The following SPIDR variants were observed in gnomAD, a reference collection of about 807,000 sequenced individuals.
The protein encoded by SPIDR is DNA repair-scaffolding protein.
A neutral mutation model predicts 104.6 loss-of-function variants in SPIDR; 93 were observed. That is an observed-to-expected ratio of 0.89 (90% confidence interval 0.75 to 1.06). SPIDR has a LOEUF of 1.06. Ranked by LOEUF, SPIDR falls within the 50% of genes least tolerant of loss-of-function variation. SPIDR has a pLI of 0.00. For synonymous variants in SPIDR, 431 were observed against 416.9 expected (o/e 1.03, Z -0.41); for missense variants, 1,154 against 1,111.2 (o/e 1.04, Z -0.55).
At chr8:47,276,727 G>T (rs2036506692) in intron 1 of SPIDR, 1 of 152,210 alleles carries the variant, frequency 6.6e-6, no homozygotes, top group South Asian at 2.1e-4. Context: ...CAAGGTGAGG[G>T]AGAGATTTTT....
intron 7 of SPIDR, among the ~76,000 whole-genome samples, chr8:47,423,863 T>C (rs1554682840): frequency 6.6e-6 from 1 of 152,218 alleles, no homozygotes; most frequent in Non-Finnish European, 1.5e-5. Flanking sequence ...TCACGAATCA[T>C]TGTATTTTTC....
intron 5 of SPIDR, among the ~76,000 whole-genome samples, chr8:47,303,158 C>T (rs998309717): frequency 5.3e-5 from 8 of 152,206 alleles, no homozygotes; most frequent in Non-Finnish European, 7.3e-5. Context: ...CTGCCCCTCC[C>T]GCAGCCTGGC....
chr8:47,411,787 G>C (rs1392503586), intron 7 of SPIDR, among the ~76,000 whole-genome samples: 1 of 152,092 alleles, frequency 6.6e-6, no homozygotes, highest in Admixed American at 6.6e-5. Context: ...TATGGTTTTA[G>C]GTCTAACATT....
intron 14 of SPIDR, among the ~76,000 whole-genome samples, chr8:47,704,916 C>T (rs967201379): frequency 6.6e-6 from 1 of 152,208 alleles, no homozygotes; most frequent in Non-Finnish European, 1.5e-5. Flanking sequence ...TCACGCTCCT[C>T]TGCCTACCTT....
chr8:47,478,874 G>A (rs929043949), intron 8 of SPIDR, among the ~76,000 whole-genome samples: 3 of 152,160 alleles, frequency 2.0e-5, no homozygotes, highest in Non-Finnish European at 4.4e-5. Context: ...AGATAACTTT[G>A]ATTTCTGAGG....
chr8:47,270,706 T>A (rs2035128635), intron 1 of SPIDR, among the ~76,000 whole-genome samples: 1 of 152,212 alleles, frequency 6.6e-6, no homozygotes, highest in Admixed American at 6.5e-5. Context: ...CATTTACAGC[T>A]ACAGATTTCT....
chr8:47,532,413 A>G (rs1235650834), intron 8 of SPIDR, among the ~76,000 whole-genome samples: 4 of 152,208 alleles, frequency 2.6e-5, no homozygotes, highest in East Asian at 3.9e-4. Flanking sequence ...CAAGTTGCCT[A>G]TAAGAACCTC....
chr8:47,691,001 T>C, intron 11 of SPIDR, among the ~76,000 whole-genome samples: 1 of 151,602 alleles, frequency 6.6e-6, no homozygotes, highest in East Asian at 2.0e-4. Context: ...ATCTGAAAAA[T>C]ATCTTGCTGG....
At chr8:47,521,545 TCC>T (rs772185723) in intron 8 of SPIDR, among the ~76,000 whole-genome samples, 68 of 150,106 alleles carry the variant, frequency 4.5e-4, no homozygotes, top group Non-Finnish European at 8.3e-4. Flanking sequence ...TGCCTTAGCC[TCC>T]GGAGTAGCTG....
chr8:47,694,278 A>G (rs1288690640), intron 11 of SPIDR, among the ~76,000 whole-genome samples: 1 of 152,212 alleles, frequency 6.6e-6, no homozygotes. Flanking sequence ...CACTGAAATT[A>G]TATCTTAAAA....
intron 10 of SPIDR, among the ~76,000 whole-genome samples, chr8:47,625,252 T>A (rs2154437584): frequency 6.6e-6 from 1 of 152,320 alleles, no homozygotes; most frequent in Non-Finnish European, 1.5e-5. Flanking sequence ...TAATAAGAGC[T>A]ATCTATGGCA....
At chr8:47,321,271 A>G (rs1240114968) in intron 5 of SPIDR, among the ~76,000 whole-genome samples, 2 of 152,194 alleles carry the variant, frequency 1.3e-5, no homozygotes, top group Non-Finnish European at 2.9e-5. Flanking sequence ...TCAATGTGCA[A>G]AAATCACAAG....
chr8:47,374,031 TTTTA>T (rs1366196566), intron 5 of SPIDR, among the ~76,000 whole-genome samples: 2 of 152,224 alleles, frequency 1.3e-5, no homozygotes, highest in Non-Finnish European at 2.9e-5. Context: ...GGTTCGTTTG[TTTTA>T]TTCATTCTAG....
intron 5 of SPIDR, among the ~76,000 whole-genome samples, chr8:47,392,105 A>C (rs1242060743): frequency 6.6e-6 from 1 of 152,128 alleles, no homozygotes; most frequent in East Asian, 1.9e-4. Flanking sequence ...CGACATGTAA[A>C]CTATATGGGC....
chr8:47,497,043 G>A (rs1287127072), intron 8 of SPIDR, among the ~76,000 whole-genome samples: 1 of 151,860 alleles, frequency 6.6e-6, no homozygotes, highest in Admixed American at 6.6e-5. Context: ...CTTTCTGTAA[G>A]CTTGGTAGTG....
intron 5 of SPIDR, among the ~76,000 whole-genome samples, chr8:47,311,225 T>C (rs2044093718): frequency 6.6e-6 from 1 of 152,190 alleles, no homozygotes; most frequent in South Asian, 2.1e-4. Flanking sequence ...AAAGGAGTCA[T>C]TGAAGTTGTT....
chr8:47,419,505 C>G (rs1163704929), intron 7 of SPIDR, among the ~76,000 whole-genome samples: 1 of 152,048 alleles, frequency 6.6e-6, no homozygotes, highest in African/African-American at 2.4e-5. Flanking sequence ...TGATTCTTCT[C>G]TCTTTTCTTC....
intron 8 of SPIDR, among the ~76,000 whole-genome samples, chr8:47,488,064 C>G (rs149139928): frequency 2.7e-4 from 41 of 151,988 alleles, no homozygotes; most frequent in East Asian, 1.9e-3. Flanking sequence ...AATGAATCCA[C>G]GAGCTGGTTT....
chr8:47,614,868 C>G (rs2064086834), intron 10 of SPIDR, among the ~76,000 whole-genome samples: 1 of 152,094 alleles, frequency 6.6e-6, no homozygotes, highest in Admixed American at 6.5e-5. Flanking sequence ...TCTGTTGTTT[C>G]TTGACTTTTT....
Sources: gnomAD v4.1 joint callset for allele counts (sites outside exome capture counted in the v4.1 genomes callset) on GRCh38, gnomAD v4.1.1 for gene constraint, MANE v1.5 for transcripts, NCBI Gene and HGNC (gene_info 2026-07-23, HGNC 2026-07-21) for gene names.